The following CSMD1 variants were observed in gnomAD, a reference collection of about 807,000 sequenced individuals.
CSMD1 encodes the protein CUB and Sushi multiple domains 1, also known as CUB and sushi domain-containing protein 1.
A neutral mutation model predicts 417.5 loss-of-function variants in CSMD1; 213 were observed. The observed-to-expected ratio is 0.51, with a 90% CI of 0.46 to 0.57. The LOEUF is 0.57. Ranked by LOEUF, CSMD1 falls within the 20% of genes least tolerant of loss-of-function variation. The pLI is 0.00. For missense variants in CSMD1, 6,923 were observed against 4,529.7 expected, an observed-to-expected ratio of 1.53 and a Z score of -15.17; for synonymous variants, 2,862 against 1,736.8, an observed-to-expected ratio of 1.65 and a Z score of -16.11.
intron 23 of CSMD1, among the ~76,000 whole-genome samples, chr8:3,310,382 C>T (rs1285153203): frequency 6.6e-6 from 1 of 152,170 alleles, no homozygotes; most frequent in East Asian, 1.9e-4. Flanking sequence ...CTGAACAAGT[C>T]TTTAGAAGGC....
intron 1 of CSMD1, among the ~76,000 whole-genome samples, chr8:4,890,030 GTTC>G (rs1402643481): frequency 6.6e-6 from 1 of 152,068 alleles, no homozygotes; most frequent in African/African-American, 2.4e-5. Context: ...ATTTCCTGAG[GTTC>G]TTGAGGTGAA....
chr8:3,973,060 G>C (rs570435817), intron 5 of CSMD1, among the ~76,000 whole-genome samples: 12 of 152,286 alleles, frequency 7.9e-5, no homozygotes, highest in Admixed American at 5.2e-4. Context: ...AGTGTGCTTT[G>C]ATAACAAATG....
Position 3,412,274 on chromosome 8 carries a change from A to G in CSMD1, c.1562-2669T>C, listed in dbSNP as rs142147505. ...TTTGGGTTGGTTCCACATTTTTGCA[A>G]TTGCAAATTGTGCTGCTATAAATAT... On this transcript the variant is annotated intron_variant, in intron 12 of 69. Coordinates refer to ENST00000635120, the MANE Select transcript of CSMD1 (RefSeq NM_033225.6). Among the ~76,000 whole-genome samples the G allele has an allele frequency of 1.6e-3, 238 of 148,462 alleles. 4 individuals are homozygous for G. The highest frequency in any genetic ancestry group is 0.013 in the East Asian group (57 of 4,280).
chr8:3,160,051 A>G (rs950481747), intron 38 of CSMD1, among the ~76,000 whole-genome samples: 1 of 152,210 alleles, frequency 6.6e-6, no homozygotes, highest in African/African-American at 2.4e-5. Flanking sequence ...CGAAAAAGGC[A>G]CAAAAACAGC....
intron 3 of CSMD1, among the ~76,000 whole-genome samples, chr8:4,230,164 T>G (rs17069640): frequency 0.05 from 7,655 of 152,294 alleles, 211 homozygotes; most frequent in East Asian, 0.091. Flanking sequence ...CTGGGTATGT[T>G]TGAATTGATA....
At chr8:4,917,324 T>C (rs12375411) in intron 1 of CSMD1, among the ~76,000 whole-genome samples, 16,761 of 152,190 alleles carry the variant, frequency 0.11, 1,243 homozygotes, top group African/African-American at 0.21. Context: ...CCTTCAACAC[T>C]GGGCATTACA....
intron 10 of CSMD1, among the ~76,000 whole-genome samples, chr8:3,554,669 G>C (rs78325106): frequency 0.079 from 12,075 of 152,284 alleles, 527 homozygotes; most frequent in East Asian, 0.13. Context: ...GTTTTCTTGA[G>C]CTTGTTAGAG....
intron 1 of CSMD1, among the ~76,000 whole-genome samples, chr8:4,947,719 T>G (rs7013186): frequency 0.51 from 78,001 of 151,864 alleles, 20,857 homozygotes; most frequent in East Asian, 0.79. Flanking sequence ...TGTCTAAAGT[T>G]TGTAGCTGAG....
At chr8:3,343,606 A>C (rs1005502565) in intron 22 of CSMD1, among the ~76,000 whole-genome samples, 156 bp from the exon 23 acceptor site, 2 of 152,198 alleles carry the variant, frequency 1.3e-5, no homozygotes, top group African/African-American at 4.8e-5. Context: ...CTTAGAGCTA[A>C]ATCATATTTG....
At chr8:4,795,402 G>C (rs1318449683) in intron 1 of CSMD1, among the ~76,000 whole-genome samples, 1 of 151,088 alleles carries the variant, frequency 6.6e-6, no homozygotes, top group East Asian at 2.0e-4. Context: ...CTTCCGAGTA[G>C]CTGGGATTAC....
At chr8:4,711,754 G>A (rs1378968190) in intron 1 of CSMD1, among the ~76,000 whole-genome samples, 2 of 152,096 alleles carry the variant, frequency 1.3e-5, no homozygotes, top group East Asian at 3.9e-4. Context: ...GTGTGTTTAT[G>A]TAGTTTTTGT....
chr8:3,072,218 T>C lies in CSMD1; in HGVS notation c.7474+14879A>G, dbSNP rs7814206. Among the ~76,000 whole-genome samples the C allele has an allele frequency of 8.4e-3, 1,273 of 152,318 alleles. 16 individuals are homozygous for C. Among genetic ancestry groups the C allele is most frequent in the African/African-American group, 0.029 (1,198 of 41,578 alleles). On this transcript the variant is annotated intron_variant, in intron 49 of 69. Coordinates refer to ENST00000635120, the MANE Select transcript of CSMD1 (RefSeq NM_033225.6). ...TATTACAATTAGAGGTCGAAAGTTT[T>C]GTTTACAAACTTTTACATGGAAGAG... is the stretch of plus-strand genomic sequence containing the variant.
At position 3,854,604 on chromosome 8, in the gene CSMD1, T is replaced by G. The variant is rs548317331; in HGVS notation, c.819-100562A>C. On this transcript the variant is annotated intron_variant, in intron 5 of 69. Transcript: ENST00000635120. ...CTGGAACTCCCTCACCCAAGGAGAT[T>G]CCTAAATCTGGTAGCTCCATTGTCA... 9.2e-5 allele frequency among the ~76,000 whole-genome samples: 14 copies of G among 152,182 alleles called. No homozygotes were observed. In the South Asian group the frequency reaches 2.9e-3, roughly 32 times the overall value.
At chr8:3,545,979 A>G (rs10112072) in intron 10 of CSMD1, among the ~76,000 whole-genome samples, 8,018 of 152,292 alleles carry the variant, frequency 0.053, 627 homozygotes, top group African/African-American at 0.17. Flanking sequence ...AAGCCAAACA[A>G]TTAGTCAACA....
intron 1 of CSMD1, among the ~76,000 whole-genome samples, chr8:4,913,191 G>A (rs1207491536): frequency 2.0e-5 from 3 of 152,172 alleles, no homozygotes; most frequent in Admixed American, 6.5e-5. Flanking sequence ...GATTAGGTTG[G>A]TGCAAACCTA....
At chr8:4,173,415 C>G (rs1027114207) in intron 3 of CSMD1, among the ~76,000 whole-genome samples, 2 of 151,864 alleles carry the variant, frequency 1.3e-5, no homozygotes, top group Non-Finnish European at 2.9e-5. Flanking sequence ...AACGTGGTGA[C>G]TACAGAGGTA....
intron 30 of CSMD1, among the ~76,000 whole-genome samples, chr8:3,209,257 A>C (rs1797466116): frequency 1.3e-5 from 2 of 151,546 alleles, no homozygotes; most frequent in Non-Finnish European, 2.9e-5. Flanking sequence ...GTGTTAGAAA[A>C]ATATGGATAG....
chr8:4,370,055 G>A (rs374077017), intron 3 of CSMD1, among the ~76,000 whole-genome samples: 2 of 151,992 alleles, frequency 1.3e-5, no homozygotes, highest in South Asian at 2.1e-4. Context: ...TGAGGTATGT[G>A]CTTCAGTGTG....
At chr8:4,335,926 G>A (rs574401627) in intron 3 of CSMD1, among the ~76,000 whole-genome samples, 2 of 152,068 alleles carry the variant, frequency 1.3e-5, no homozygotes, top group African/African-American at 4.8e-5. Flanking sequence ...TAGTGAGGGA[G>A]CCCCATATTG....
Sources: gnomAD v4.1 joint callset for allele counts (sites outside exome capture counted in the v4.1 genomes callset) on GRCh38, gnomAD v4.1.1 for gene constraint, MANE v1.5 for transcripts, NCBI Gene and HGNC (gene_info 2026-07-23, HGNC 2026-07-21) for gene names.